Variants in USP40 observed in about 807,000 individuals in gnomAD.
USP40 encodes the protein ubiquitin specific peptidase 40.
Under a neutral mutation model 166.2 loss-of-function variants are expected in USP40, and 143 were observed. That is an observed-to-expected ratio of 0.86 (90% CI 0.75 to 0.99). USP40 has a LOEUF of 0.99. Ranked by LOEUF, USP40 falls within the 50% of genes least tolerant of loss-of-function variation. The probability of loss-of-function intolerance (pLI) is 0.00; values close to 1 mark genes in which losing one functional copy is unlikely to be tolerated. For synonymous variants in USP40, 498 were observed against 524.0 expected (o/e 0.95, Z 0.68); for missense variants, 1,444 against 1,479.7 (o/e 0.98, Z 0.40).
intron 5 of USP40, among the ~76,000 whole-genome samples, chr2:233,555,904 G>A (rs1284920649): frequency 6.6e-6 from 1 of 151,940 alleles, no homozygotes; most frequent in African/African-American, 2.4e-5. Context: ...CATGAGGTCA[G>A]GAGATCGAGA....
intron 24 of USP40, among the ~76,000 whole-genome samples, chr2:233,495,288 A>C (rs1196601761): frequency 2.0e-5 from 3 of 151,880 alleles, no homozygotes; most frequent in African/African-American, 7.2e-5. Flanking sequence ...TATATATGCT[A>C]TGTATATACA....
At chr2:233,488,008 T>C (rs2065058538) in intron 28 of USP40, 1 of 681,466 alleles carries the variant, frequency 1.5e-6, no homozygotes, top group East Asian at 2.9e-5. Flanking sequence ...AATATGCACC[T>C]GGTGATTACT....
intron 21 of USP40, among the ~76,000 whole-genome samples, chr2:233,501,425 T>A (rs1042898533): frequency 1.3e-5 from 2 of 152,238 alleles, no homozygotes; most frequent in African/African-American, 2.4e-5. Flanking sequence ...GTTGTGAGTA[T>A]AGGAGTGACT....
At chr2:233,517,948 G>A (rs917682312) in intron 18 of USP40, among the ~76,000 whole-genome samples, 2 of 149,764 alleles carry the variant, frequency 1.3e-5, no homozygotes, top group Non-Finnish European at 3.0e-5. Context: ...AACACCGTAT[G>A]TTCTCACTGA....
rs540655034 is a variant in USP40 at position 233,479,481 on chromosome 2, T to C, written c.3599+1722A>G. On this transcript the variant is annotated intron_variant, in intron 31 of 31. Coordinates refer to ENST00000678225, the MANE Select transcript of USP40 (RefSeq NM_001365479.2). ...GGGAGACTGAGGCAGGAGAATCGCT[T>C]GAACCCGGGAGGCGGAGGTTGAAGT... Among the ~76,000 whole-genome samples the C allele has an allele frequency of 3.9e-4, 59 of 151,622 alleles. 1 individual carries two copies. The highest frequency in any genetic ancestry group is 1.3e-3 in the African/African-American group (55 of 41,178).
At chr2:233,496,685 T>G in intron 24 of USP40, 73 bp downstream of exon 24, 50 of 1,299,832 alleles carry the variant, frequency 3.8e-5, no homozygotes, top group Non-Finnish European at 4.7e-5. Context: ...TTTCCCTAAA[T>G]GAGGCTGTAT....
At chr2:233,488,598 T>TG (rs1201378607) in intron 27 of USP40, among the ~76,000 whole-genome samples, 15 of 152,220 alleles carry the variant, frequency 9.9e-5, no homozygotes, top group African/African-American at 3.6e-4. Flanking sequence ...CCAGTCACTT[T>TG]GGGGTGGTAA....
At chr2:233,498,989 C>T (rs866992560) in intron 22 of USP40, among the ~76,000 whole-genome samples, 1 of 152,126 alleles carries the variant, frequency 6.6e-6, no homozygotes, top group Non-Finnish European at 1.5e-5. Context: ...TGGTATACAT[C>T]TTAGCGTTCT....
At chr2:233,529,196 C>G (rs1315761172) in intron 12 of USP40, among the ~76,000 whole-genome samples, 2 of 152,224 alleles carry the variant, frequency 1.3e-5, no homozygotes, top group African/African-American at 4.8e-5. Flanking sequence ...AGGCTTCGAT[C>G]CCTACTTAGC....
chr2:233,521,074 C>T lies in USP40; in HGVS notation c.2242G>A (p.Glu748Lys). ...KEEKWVTSMN[E>K]IDWLHVKNLC... is the part of the protein sequence containing the mutation. ...TTTTTAACGTGGAGCCAGTCAATCT[C>T]ATTCATACTAGTGACCCATTTCTCT... is the stretch of plus-strand genomic sequence containing the variant. The change falls in exon 17 of 32, where the codon GAG becomes AAG. Residue 748 changes from glutamate (E) to lysine (K), a missense_variant. Glu to Lys is a moderately conservative substitution (Grantham distance 56). Coordinates refer to ENST00000678225, the MANE Select transcript of USP40 (RefSeq NM_001365479.2). 2 of 1,611,810 alleles carry T rather than the reference C, an allele frequency of 1.2e-6. No homozygotes were observed. The highest frequency in any genetic ancestry group is 1.7e-6 in the Non-Finnish European group (2 of 1,179,110).
intron 31 of USP40, among the ~76,000 whole-genome samples, chr2:233,478,697 A>G (rs1348476710): frequency 6.6e-6 from 1 of 152,166 alleles, no homozygotes; most frequent in Non-Finnish European, 1.5e-5. Flanking sequence ...AGGTGGGCAT[A>G]AGTCACCTAA....
intron 26 of USP40, 89 bp downstream of exon 26, chr2:233,491,078 T>C (rs754412674): frequency 7.1e-6 from 7 of 983,878 alleles, no homozygotes; most frequent in African/African-American, 3.2e-5. Context: ...CAGACTGTAA[T>C]TGAGGGAAAA....
intron 22 of USP40, 71 bp from the exon 23 acceptor site, chr2:233,498,683 G>GA: frequency 7.7e-7 from 1 of 1,303,324 alleles, no homozygotes; most frequent in Non-Finnish European, 1.1e-6. Flanking sequence ...ACTTCTAGAA[G>GA]AATGTCTTGC....
chr2:233,507,352 G>T (rs1021686932), intron 21 of USP40, among the ~76,000 whole-genome samples: 1 of 152,158 alleles, frequency 6.6e-6, no homozygotes, highest in African/African-American at 2.4e-5. Context: ...AAATCAGTGT[G>T]TCAAAGAGAT....
chr2:233,530,982 C>T (rs2125264337), intron 11 of USP40, among the ~76,000 whole-genome samples: 1 of 152,136 alleles, frequency 6.6e-6, no homozygotes, highest in Middle Eastern at 3.4e-3. Flanking sequence ...TTATATTTTA[C>T]ACATTTTACG....
chr2:233,550,590 G>T (rs971191990), intron 7 of USP40, among the ~76,000 whole-genome samples: 1 of 151,642 alleles, frequency 6.6e-6, no homozygotes, highest in Non-Finnish European at 1.5e-5. Context: ...TTTAGAAAAA[G>T]ATTACTTTTT....
At chr2:233,566,607 C>T (rs2072184448) in intron 1 of USP40, 77 bp downstream of exon 1, 2 of 868,392 alleles carry the variant, frequency 2.3e-6, no homozygotes, top group South Asian at 5.2e-5. Context: ...GCCTCGCCCT[C>T]CTCAGACTGG....
At chr2:233,529,820 T>C (rs1380644985) in intron 11 of USP40, among the ~76,000 whole-genome samples, 1 of 145,094 alleles carries the variant, frequency 6.9e-6, no homozygotes, top group African/African-American at 2.7e-5. Context: ...TTTTCTTTTT[T>C]TTTTTGAGAC....
At chr2:233,556,349 T>C (rs550393350) in intron 5 of USP40, among the ~76,000 whole-genome samples, 74 of 152,142 alleles carry the variant, frequency 4.9e-4, no homozygotes, top group Non-Finnish European at 8.5e-4. Flanking sequence ...CTGAAGGTTA[T>C]ACTAATTAAC....
Sources: gnomAD v4.1 joint callset for allele counts (sites outside exome capture counted in the v4.1 genomes callset) on GRCh38, gnomAD v4.1.1 for gene constraint, MANE v1.5 for transcripts, NCBI Gene and HGNC (gene_info 2026-07-23, HGNC 2026-07-21) for gene names.